The following C8G variants were observed in gnomAD, a reference collection of about 807,000 sequenced individuals.
C8G encodes the protein complement component C8 gamma chain.
In C8G, 38 loss-of-function variants were observed where a neutral mutation model predicts 29.1. That is an observed-to-expected ratio of 1.31 (90% confidence interval 1.01 to 1.71). The LOEUF (loss-of-function observed/expected upper bound fraction) is 1.71, where lower values mean the gene tolerates loss of function less well. C8G is among the 40% of genes most tolerant of loss of function. The pLI is 0.00. For missense variants in C8G, 300 were observed against 267.4 expected (o/e 1.12, Z -0.85); for synonymous variants, 158 against 113.2 (o/e 1.40, Z -2.51).
Position 136,945,680 on chromosome 9 carries a change from TC to T in C8G, c.187del (p.Leu63CysfsTer86). 6.2e-7 allele frequency: 1 copy of T among 1,606,974 alleles called. No homozygotes were observed. Among genetic ancestry groups the T allele is most frequent in the Non-Finnish European group, 8.5e-7 (1 of 1,178,746 alleles). On this transcript the variant is annotated frameshift_variant, in exon 2 of 7. Coordinates refer to ENST00000371634, the MANE Select transcript of C8G (RefSeq NM_000606.3). LOFTEE classifies it high-confidence loss of function. ...LLVAVGSACR[F>X]LQEQGHRAEA... ...GTGGCTGTGGGCTCCGCTTGCCGTT[TC>T]CTGCAGGAGCAGGGCCACCGGGCCG...
At position 136,945,883 on chromosome 9, in the gene C8G, T is replaced by C. The variant is rs1386933878; in HGVS notation, c.276-46T>C. The C allele has an allele frequency of 6.5e-6, 10 of 1,546,828 alleles. No homozygotes were observed. The African/African-American group carries it at 1.4e-4, about 21-fold the overall frequency. The stretch of plus-strand genomic sequence containing the variant: ...CGGCTGTGGCCTGGACTAGGATTCC[T>C]GGTTGGGGTCTCCCAGCCTGTGGTG... On this transcript the variant is annotated intron_variant, in intron 2 of 6. Transcript: ENST00000371634.
rs1851050477 is a variant in C8G at position 136,946,648 on chromosome 9, C to T, written c.557-3C>T. On this transcript the variant is annotated splice_region_variant and splice_polypyrimidine_tract_variant and intron_variant, in intron 5 of 6. Coordinates refer to ENST00000371634, the MANE Select transcript of C8G (RefSeq NM_000606.3). ...CAGCCTGACCCCTGCCTTGGGCCCCCAGGCTTCTGCGAGGCTGCAGACCAG... is the reference window on the plus strand; with the variant it reads ...CAGCCTGACCCCTGCCTTGGGCCCCTAGGCTTCTGCGAGGCTGCAGACCAG... 2.5e-6 allele frequency: 4 copies of T among 1,613,084 alleles called. No homozygotes were observed. Among genetic ancestry groups the T allele is most frequent in the South Asian group, 1.1e-5 (1 of 91,082 alleles).
At position 136,946,015 on chromosome 9, in the gene C8G, C is replaced by T; in HGVS notation, c.346+16C>T. On this transcript the variant is annotated intron_variant, in intron 3 of 6. Transcript: ENST00000371634. ...CTGCTTCAAGGTGAGGCAGGGGCTGCAGGGCATGTGGGTGGGGGATGACGC... is the reference window on the plus strand; with the variant it reads ...CTGCTTCAAGGTGAGGCAGGGGCTGTAGGGCATGTGGGTGGGGGATGACGC... The T allele has an allele frequency of 6.3e-7, 1 of 1,592,294 alleles. No homozygotes were observed. The highest frequency in any genetic ancestry group is 8.6e-7 in the Non-Finnish European group (1 of 1,169,396).
chr9:136,946,282 GAC>G (rs1564442187), intron 4 of C8G, 90 bp downstream of exon 4: 6 of 1,375,698 alleles, frequency 4.4e-6, no homozygotes, highest in African/African-American at 1.5e-5. Flanking sequence ...AGCCCATGGG[GAC>G]ACACTTCCTT....
Position 136,945,399 on chromosome 9 carries a change from C to T in C8G, c.79C>T (p.Arg27Cys), listed in dbSNP as rs376667275. Residue 27 changes from arginine (R) to cysteine (C), a missense_variant, in exon 1 of 7, where the codon CGC becomes TGC. By Grantham distance (180) the Arg-to-Cys change is radical. Coordinates refer to ENST00000371634, the MANE Select transcript of C8G (RefSeq NM_000606.3). ...GCTGGGCCAGAAGCCTCAGAGGCCA[C>T]GCCGGCCCGCATCCCCCATCAGCAC... ...GSLGQKPQRP[R>C]RPASPISTIQ... 2.0e-5 allele frequency: 32 copies of T among 1,606,974 alleles called. No individual in the cohort carries two copies. The highest frequency in any genetic ancestry group is 1.0e-4 in the South Asian group (9 of 89,906).
At chr9:136,946,225 G>T (rs1176659385) in intron 4 of C8G, 33 bp downstream of exon 4, 3 of 1,520,966 alleles carry the variant, frequency 2.0e-6, no homozygotes, top group Non-Finnish European at 2.7e-6. Context: ...GACCAGGCAG[G>T]CGCTCAAGCT....
At position 136,945,926 on chromosome 9, in the gene C8G, C is replaced by CA. The variant is rs1564441619; in HGVS notation, c.276-2dup. Reference sequence around the variant, plus strand: ...CTGTGGTGCCTCCTCCCCGCCCCCCCAGGGATGGGATCTGCTGGCAGGTGC... The same window carrying CA: ...CTGTGGTGCCTCCTCCCCGCCCCCCCAAGGGATGGGATCTGCTGGCAGGTGC... On this transcript the variant is annotated splice_polypyrimidine_tract_variant and splice_region_variant and intron_variant, in intron 2 of 6. Transcript: ENST00000371634. 3.2e-6 allele frequency: 5 copies of CA among 1,559,784 alleles called. No individual in the cohort carries two copies. The highest frequency in any genetic ancestry group is 4.3e-6 in the Non-Finnish European group (5 of 1,152,182).
In C8G at chr9:136,945,985, G is replaced by T; in HGVS notation, c.332G>T (p.Arg111Leu). 6.3e-7 allele frequency: 1 copy of T among 1,580,352 alleles called. No individual in the cohort carries two copies. Among genetic ancestry groups the T allele is most frequent in the Non-Finnish European group, 8.6e-7 (1 of 1,163,270 alleles). ...QLYGDTGVLGRFLLQARDARG... is the reference protein window; with the variant it reads ...QLYGDTGVLGLFLLQARDARG... ...TATGGAGACACAGGGGTCCTCGGCC[G>T]CTTCCTGCTTCAAGGTGAGGCAGGG... Residue 111 changes from arginine (R) to leucine (L), a missense_variant, in exon 3 of 7, where the codon CGC (arginine) becomes CTC (leucine). Transcript: ENST00000371634.
Position 136,946,147 on chromosome 9 carries a change from G to A in C8G, c.409G>A (p.Val137Ile), listed in dbSNP as rs959233018. 13 of 1,580,966 alleles carry A rather than the reference G, an allele frequency of 8.2e-6. No individual in the cohort carries two copies. The highest frequency in any genetic ancestry group is 1.1e-5 in the Non-Finnish European group (13 of 1,161,178). Residue 137 changes from valine (V) to isoleucine (I), a missense_variant, in exon 4 of 7, where the codon GTC (valine) becomes ATC (isoleucine). Physicochemically the swap from Val to Ile is conservative, Grantham distance 29. Transcript: ENST00000371634. ...TGAGACCGACTACCAGAGTTTCGCTGTCCTGTACCTGGAGCGGGCGGGGCA... is the reference window on the plus strand; with the variant it reads ...TGAGACCGACTACCAGAGTTTCGCTATCCTGTACCTGGAGCGGGCGGGGCA... Reference protein sequence around the residue: ...VAETDYQSFAVLYLERAGQLS... With the variant: ...VAETDYQSFAILYLERAGQLS...
rs116049569 is a variant in C8G at position 136,946,720 on chromosome 9, G to A, written c.595+31G>A. On this transcript the variant is annotated intron_variant, in intron 6 of 6. Transcript: ENST00000371634. ...TGCACAGCGGGGCAAGCATGGCGGCGTGGTGAGGGGGGCCACTGCCACCGG... is the reference window on the plus strand; with the variant it reads ...TGCACAGCGGGGCAAGCATGGCGGCATGGTGAGGGGGGCCACTGCCACCGG... The A allele has an allele frequency of 1.6e-3, 2,589 of 1,610,218 alleles. 34 individuals carry two copies. The African/African-American group carries it at 0.028, about 18-fold the overall frequency.
chr9:136,946,430 G>A (rs768167590), intron 4 of C8G, 35 bp from the exon 5 acceptor site: 1 of 1,550,950 alleles, frequency 6.4e-7, no homozygotes, highest in Non-Finnish European at 8.7e-7. Context: ...ACGCCGCCTG[G>A]TGCCAGGACC....
At chr9:136,946,049 T>A in intron 3 of C8G, 36 bp from the exon 4 acceptor site, 1 of 1,604,066 alleles carries the variant, frequency 6.2e-7, no homozygotes, top group Non-Finnish European at 8.5e-7. Flanking sequence ...GCAGCCACTG[T>A]GGCTCTCTGA....
chr9:136,945,851 C>T, intron 2 of C8G, 78 bp from the exon 3 acceptor site: 1 of 1,540,926 alleles, frequency 6.5e-7, no homozygotes, highest in Non-Finnish European at 8.8e-7. Context: ...GGCCCCTGAC[C>T]CCACCCCGGC....
chr9:136,945,315 G>A lies in C8G; in HGVS notation c.-6G>A, dbSNP rs775610634. 38 of 1,597,048 alleles carry A rather than the reference G, an allele frequency of 2.4e-5. No individual in the cohort carries two copies. Among genetic ancestry groups the A allele is most frequent in the Non-Finnish European group, 3.2e-5 (37 of 1,169,684 alleles). ...CCCACAGTCCTGCCACCCTGCTGCCGCCACCATGCTGCCCCCTGGGACTGC... is the reference window on the plus strand; with the variant it reads ...CCCACAGTCCTGCCACCCTGCTGCCACCACCATGCTGCCCCCTGGGACTGC... On this transcript the variant is annotated 5_prime_UTR_variant, in exon 1 of 7. Coordinates refer to ENST00000371634, the MANE Select transcript of C8G (RefSeq NM_000606.3).
intron 4 of C8G, 77 bp downstream of exon 4, chr9:136,946,269 G>T: frequency 7.1e-7 from 1 of 1,402,730 alleles, no homozygotes; most frequent in Non-Finnish European, 9.8e-7. Context: ...GAGGGGCTGG[G>T]TGAGCCCATG....
Position 136,946,095 on chromosome 9 carries a change from CCGAGGGGCT to C in C8G, c.358_366del (p.Arg120_Ala122del). ...GTGGCTCTGCCCCAGCCCGAGACGCCCGAGGGGCTGTGCACGTGGTTGTCGCTGAGACCG... is the reference window on the plus strand; with the variant it reads ...GTGGCTCTGCCCCAGCCCGAGACGCCGTGCACGTGGTTGTCGCTGAGACCG... On this transcript the variant is annotated inframe_deletion, in exon 4 of 7. Transcript: ENST00000371634. 1 of 1,602,688 alleles carries C rather than the reference CCGAGGGGCT, an allele frequency of 6.2e-7. No homozygotes were observed. The highest frequency in any genetic ancestry group is 1.1e-5 in the South Asian group (1 of 90,258).
chr9:136,946,901 C>A lies in C8G; in HGVS notation c.*120C>A. 1 of 1,300,552 alleles carries A rather than the reference C, an allele frequency of 7.7e-7. No individual in the cohort carries two copies. The highest frequency in any genetic ancestry group is 1.1e-6 in the Non-Finnish European group (1 of 933,812). The allele number at this position is 1,300,552 out of a possible 1,614,324, so 80.6% of individuals were successfully genotyped here. A position where few individuals can be genotyped will look rare whatever the true frequency, so the allele number is the denominator to read the frequency against. On this transcript the variant is annotated 3_prime_UTR_variant, in exon 7 of 7. Coordinates refer to ENST00000371634, the MANE Select transcript of C8G (RefSeq NM_000606.3). ...CAGATCAGGGCCCTGCCACCCAGGG[C>A]AGGGGATCTTCTGCCGGCTGCCCCA...
chr9:136,946,138 A>G lies in C8G; in HGVS notation c.400A>G (p.Ser134Gly). The change falls in exon 4 of 7, where the codon AGT (serine) becomes GGT (glycine). Residue 134 changes from serine (S) to glycine (G), a missense_variant. Transcript: ENST00000371634. ...HVVVAETDYQ[S>G]FAVLYLERAG... is the part of the protein sequence containing the mutation. ...GGTTGTCGCTGAGACCGACTACCAG[A>G]GTTTCGCTGTCCTGTACCTGGAGCG... is the stretch of plus-strand genomic sequence containing the variant. 6 of 1,583,896 alleles carry G rather than the reference A, an allele frequency of 3.8e-6. No individual in the cohort carries two copies. Among genetic ancestry groups the G allele is most frequent in the Non-Finnish European group, 4.3e-6 (5 of 1,162,004 alleles).
chr9:136,945,269 T>C lies in C8G; in HGVS notation c.-52T>C, dbSNP rs1850991273. ...GCAGAGTAGACTCTGTCCTGGGACTTGGTGGTGCTACCCTTGGCCTCCCAC... is the reference window on the plus strand; with the variant it reads ...GCAGAGTAGACTCTGTCCTGGGACTCGGTGGTGCTACCCTTGGCCTCCCAC... On this transcript the variant is annotated 5_prime_UTR_variant, in exon 1 of 7. Coordinates refer to ENST00000371634, the MANE Select transcript of C8G (RefSeq NM_000606.3). 1.3e-6 allele frequency: 2 copies of C among 1,542,778 alleles called. No individual in the cohort carries two copies. Among genetic ancestry groups the C allele is most frequent in the Admixed American group, 3.8e-5 (2 of 52,246 alleles).
Sources: allele counts gnomAD v4.1 joint callset, GRCh38; gene constraint gnomAD v4.1.1; transcripts MANE v1.5; gene names NCBI Gene and HGNC (gene_info 2026-07-23, HGNC 2026-07-21).